The following MAP7D2 variants were observed in gnomAD, a reference collection of about 807,000 sequenced individuals.
The protein encoded by MAP7D2 is MAP7 domain-containing protein 2.
MAP7D2 carries 33 observed loss-of-function variants against 63.5 expected under a neutral mutation model. That is an observed-to-expected ratio of 0.52 (90% CI 0.39 to 0.70). The LOEUF (loss-of-function observed/expected upper bound fraction) is 0.70. Ranked by LOEUF, MAP7D2 falls within the 30% of genes least tolerant of loss-of-function variation. The pLI, the probability that MAP7D2 is intolerant of heterozygous loss-of-function variation, is 0.00. For missense variants in MAP7D2, 626 were observed against 604.0 expected (o/e 1.04, Z -0.38); for synonymous variants, 224 against 223.7 (o/e 1.00, Z -0.01).
At chrX:20,021,158 C>T (rs1339748918) in intron 10 of MAP7D2, among the ~76,000 whole-genome samples, 1 of 112,076 alleles carries the variant, frequency 8.9e-6, no homozygotes, top group Non-Finnish European at 1.9e-5. Context: ...AAGAATCTCA[C>T]TTTATATCTT....
rs758064926 is a variant in MAP7D2, at chrX:20,116,860, C to A, written c.20G>T (p.Gly7Val). 8.9e-7 allele frequency: 1 copy of A among 1,126,749 alleles called. No individual in the cohort carries two copies. Among genetic ancestry groups the A allele is most frequent in the South Asian group, 2.2e-5 (1 of 46,209 alleles). 92.9% of individuals were successfully genotyped at this position (1,126,749 alleles called of 1,213,427 possible). A position where few individuals can be genotyped will look rare whatever the true frequency, so the allele number is the denominator to read the frequency against. ...CTCAGGCCGGGATCCCGTCCCGGAG[C>A]CGCCGCCGCCGCGCTCCATCGGGAT... MERGGG[G>V]SGTGSRPEGT... is the part of the protein sequence containing the mutation. Residue 7 changes from glycine (G) to valine (V), a missense_variant, in exon 1 of 17, where the codon GGC (glycine) becomes GTC (valine). Gly to Val is a moderately radical substitution (Grantham distance 109). Coordinates refer to ENST00000379643, the MANE Select transcript of MAP7D2 (RefSeq NM_001168465.2).
chrX:20,044,604 T>G, intron 6 of MAP7D2, 80 bp from the exon 7 acceptor site: 1 of 929,802 alleles, frequency 1.1e-6, no homozygotes, highest in Non-Finnish European at 1.5e-6. Flanking sequence ...GAAGAACACA[T>G]TTCTGTTAAA....
Position 20,116,864 on chromosome X carries a change from C to G in MAP7D2, c.16G>C (p.Gly6Arg). ...GGCCGGGATCCCGTCCCGGAGCCGC[C>G]GCCGCCGCGCTCCATCGGGATGCGC... MERGGGGSGTGSRPEG... is the reference protein window; with the variant it reads MERGGRGSGTGSRPEG... The change falls in exon 1 of 17, where the codon GGC becomes CGC. Residue 6 changes from glycine (G) to arginine (R), a missense_variant. Gly to Arg is a moderately radical substitution (Grantham distance 125). Transcript: ENST00000379643. The G allele has an allele frequency of 1.8e-6, 2 of 1,141,378 alleles. No homozygotes were observed. The highest frequency in any genetic ancestry group is 2.3e-6 in the Non-Finnish European group (2 of 862,287). 94.1% of individuals were successfully genotyped at this position (1,141,378 alleles called of 1,213,427 possible). A position where few individuals can be genotyped will look rare whatever the true frequency, so the allele number is the denominator to read the frequency against.
Position 20,050,815 on chromosome X carries a change from C to T in MAP7D2, c.718+9G>A, listed in dbSNP as rs1433759379. 2 of 1,177,645 alleles carry T rather than the reference C, an allele frequency of 1.7e-6. No individual in the cohort carries two copies. The highest frequency in any genetic ancestry group is 2.5e-5 in the Admixed American group (1 of 39,265). On this transcript the variant is annotated intron_variant, in intron 6 of 16. Transcript: ENST00000379643. The stretch of plus-strand genomic sequence containing the variant: ...TTTTCCTTGGTGTTACCAGCTTAGC[C>T]TCTTTTACCTGAATCATTGGCCTGC...
intron 8 of MAP7D2, among the ~76,000 whole-genome samples, chrX:20,028,991 C>T (rs987473706): frequency 4.5e-5 from 5 of 111,981 alleles, no homozygotes; most frequent in African/African-American, 1.6e-4. Context: ...CCCTCCTCCC[C>T]GTGGAATGAG....
In MAP7D2 at chrX:20,010,853, C is replaced by T. The variant is rs751595432; in HGVS notation, c.2272G>A (p.Glu758Lys). The T allele has an allele frequency of 4.1e-6, 5 of 1,209,951 alleles. No homozygotes were observed. The highest frequency in any genetic ancestry group is 5.4e-4 in the Middle Eastern group (2 of 3,730). ...SLDDCNKNLI[E>K]GFNSPGQETP... ...TCTTGGCCAGGACTGTTAAATCCTT[C>T]GATAAGGTTTTTGTTACAGTCGTCC... is the stretch of plus-strand genomic sequence containing the variant. Residue 758 changes from glutamate to lysine, a missense_variant, in exon 16 of 17, where the codon GAA becomes AAA. Transcript: ENST00000379643.
intron 8 of MAP7D2, among the ~76,000 whole-genome samples, chrX:20,034,995 C>T (rs1343940555): frequency 9.0e-6 from 1 of 111,700 alleles, no homozygotes; most frequent in Non-Finnish European, 1.9e-5. Context: ...AGAATCCTTT[C>T]CTGACCACCT....
At chrX:20,070,034 C>T (rs1272954807) in intron 1 of MAP7D2, among the ~76,000 whole-genome samples, 1 of 111,488 alleles carries the variant, frequency 9.0e-6, no homozygotes, top group African/African-American at 3.3e-5. Context: ...CTGCAACCTC[C>T]GCCTCCCGGG....
intron 1 of MAP7D2, among the ~76,000 whole-genome samples, chrX:20,116,366 G>A (rs1290730437): frequency 8.9e-6 from 1 of 112,451 alleles, no homozygotes; most frequent in East Asian, 2.8e-4. Context: ...GAGAGCGCGC[G>A]CGGAGGCCGG....
chrX:20,044,610 T>C, intron 6 of MAP7D2, 86 bp from the exon 7 acceptor site: 1 of 873,606 alleles, frequency 1.1e-6, no homozygotes, highest in Admixed American at 2.4e-5. Context: ...CACATTTCTG[T>C]TAAAATATGA....
intron 3 of MAP7D2, among the ~76,000 whole-genome samples, chrX:20,062,235 GAGTT>G (rs764761700): frequency 3.7e-4 from 41 of 112,194 alleles, no homozygotes; most frequent in Non-Finnish European, 7.7e-4. Flanking sequence ...TAAGGAGACA[GAGTT>G]AGAGGGGCAT....
At chrX:20,042,393 G>C in intron 8 of MAP7D2, 109 bp downstream of exon 8, 1 of 901,923 alleles carries the variant, frequency 1.1e-6, no homozygotes. Flanking sequence ...ACCACTTCTG[G>C]CTGGCCACGC....
At chrX:20,101,365 T>C (rs770173550) in intron 1 of MAP7D2, among the ~76,000 whole-genome samples, 17 of 112,123 alleles carry the variant, frequency 1.5e-4, no homozygotes, top group Admixed American at 8.5e-4. Context: ...TCTGAGCCCA[T>C]TGAGGCCTAT....
chrX:20,113,496 G>A (rs936257899), intron 1 of MAP7D2, among the ~76,000 whole-genome samples: 2 of 111,625 alleles, frequency 1.8e-5, no homozygotes, highest in Non-Finnish European at 3.8e-5. Context: ...CGCCCGCCTC[G>A]GCCTCCCAAA....
intron 1 of MAP7D2, among the ~76,000 whole-genome samples, chrX:20,077,074 C>A (rs2065663606): frequency 8.9e-6 from 1 of 112,373 alleles, no homozygotes; most frequent in South Asian, 3.7e-4. Context: ...ATGGATCCCT[C>A]CCCTGACCCC....
intron 1 of MAP7D2, among the ~76,000 whole-genome samples, chrX:20,113,850 AGTT>A (rs1243698620): frequency 1.8e-5 from 2 of 111,743 alleles, no homozygotes; most frequent in Non-Finnish European, 3.8e-5. Flanking sequence ...TCATACTAGT[AGTT>A]ATTTTTAAAT....
Position 20,094,548 on chromosome X carries a change from A to G in MAP7D2, c.130+22202T>C, listed in dbSNP as rs867893934. On this transcript the variant is annotated intron_variant, in intron 1 of 16. Transcript: ENST00000379643. Reference sequence around the variant, plus strand: ...TATATATATATATATATATGTATATATATATATATATATATATATACATAT... The same window carrying G: ...TATATATATATATATATATGTATATGTATATATATATATATATATACATAT... Among the ~76,000 whole-genome samples, 36 of 9,089 alleles carry G rather than the reference A, an allele frequency of 4.0e-3. 2 individuals are homozygous for G. Among genetic ancestry groups the G allele is most frequent in the Admixed American group, 0.011 (5 of 460 alleles). The allele number at this position is 9,089 out of a possible 115,157, so 7.9% of individuals were successfully genotyped here.
chrX:20,090,053 A>G (rs2066024679), intron 1 of MAP7D2, among the ~76,000 whole-genome samples: 1 of 111,867 alleles, frequency 8.9e-6, no homozygotes, highest in African/African-American at 3.3e-5. Context: ...GCTGGCTTTT[A>G]GCTCTAGTTA....
chrX:20,099,185 G>A (rs1302007371), intron 1 of MAP7D2, among the ~76,000 whole-genome samples: 1 of 111,129 alleles, frequency 9.0e-6, no homozygotes, highest in Non-Finnish European at 1.9e-5. Context: ...GCCAGGTTTT[G>A]GTTGACCTTG....
Sources: allele counts gnomAD v4.1 joint callset (sites outside exome capture counted in the v4.1 genomes callset), GRCh38; gene constraint gnomAD v4.1.1; transcripts MANE v1.5; gene names NCBI Gene and HGNC (gene_info 2026-07-23, HGNC 2026-07-21).